The following KIRREL3 variants were observed in gnomAD, a reference collection of about 807,000 sequenced individuals.
KIRREL3 encodes the protein kin of IRRE-like protein 3.
Under a neutral mutation model 89.7 loss-of-function variants are expected in KIRREL3, and 36 were observed. The ratio of observed to expected loss-of-function variants is 0.40; its 90% CI spans 0.31 to 0.53. KIRREL3 has a LOEUF of 0.53. Ranked by LOEUF, KIRREL3 falls within the 20% of genes least tolerant of loss-of-function variation. KIRREL3 has a pLI of 0.49. For missense variants in KIRREL3, 864 were observed against 1,056.6 expected (o/e 0.82, Z 2.53); for synonymous variants, 445 against 441.4 (o/e 1.01, Z -0.10).
intron 1 of KIRREL3, among the ~76,000 whole-genome samples, chr11:126,589,306 T>C (rs1942026729): frequency 6.6e-6 from 1 of 152,220 alleles, no homozygotes; most frequent in African/African-American, 2.4e-5. Flanking sequence ...GAACAGAAGC[T>C]ACAACCTGCG....
chr11:126,764,559 C>T lies in KIRREL3; in HGVS notation c.56-201647G>A, dbSNP rs114663673. Among the ~76,000 whole-genome samples the T allele has an allele frequency of 6.6e-6, 1 of 152,196 alleles. No homozygotes were observed. The highest frequency in any genetic ancestry group is 1.5e-5 in the Non-Finnish European group (1 of 68,034). On this transcript the variant is annotated intron_variant, in intron 1 of 16. Transcript: ENST00000525144. The surrounding 1 kb of genome is among the most constrained non-coding windows in gnomAD (Gnocchi z 4.2). ...CGCCGCTGCCTCATGAGGTTCCTGG[C>T]AGCTCTTACTGCGCCAGTAACAACT...
At chr11:126,701,344 G>A (rs1046695326) in intron 1 of KIRREL3, among the ~76,000 whole-genome samples, 1 of 152,112 alleles carries the variant, frequency 6.6e-6, no homozygotes, top group African/African-American at 2.4e-5. Flanking sequence ...GAGCAGCACC[G>A]AGCCCCCTGG....
At chr11:126,659,287 A>G (rs1945288932) in intron 1 of KIRREL3, among the ~76,000 whole-genome samples, 1 of 152,236 alleles carries the variant, frequency 6.6e-6, no homozygotes, top group Admixed American at 6.5e-5. Flanking sequence ...CCAAAATGAG[A>G]GTGACACCTC....
rs1958308712 is a variant in KIRREL3 at position 126,513,814 on chromosome 11, A to G, written c.433+7501T>C. Among the ~76,000 whole-genome samples, 1 of 152,114 alleles carries G rather than the reference A, an allele frequency of 6.6e-6. No homozygotes were observed. Among genetic ancestry groups the G allele is most frequent in the Non-Finnish European group, 1.5e-5 (1 of 68,008 alleles). ...TGCAAGACCTCCAGGGAGACCTTCT[A>G]TCTCATCTGGCCCCCAACAGCAACT... On this transcript the variant is annotated intron_variant, in intron 4 of 16. Transcript: ENST00000525144. This position sits in a 1 kb window ranked among gnomAD's most constrained non-coding sequence, Gnocchi z 5.9.
chr11:126,618,660 C>T (rs376769054), intron 1 of KIRREL3, among the ~76,000 whole-genome samples: 1 of 152,230 alleles, frequency 6.6e-6, no homozygotes, highest in African/African-American at 2.4e-5. Context: ...GTCTCAAACT[C>T]CTGACCTCAG....
chr11:126,731,796 G>A (rs1394978432), intron 1 of KIRREL3, among the ~76,000 whole-genome samples: 1 of 152,372 alleles, frequency 6.6e-6, no homozygotes, highest in East Asian at 1.9e-4. Context: ...TGCTGCCTCC[G>A]TAAGTGCTTC....
chr11:126,577,362 C>A (rs1342198517), intron 1 of KIRREL3, among the ~76,000 whole-genome samples: 1 of 151,914 alleles, frequency 6.6e-6, no homozygotes, highest in Admixed American at 6.6e-5. Context: ...TACCAGGTCT[C>A]TGGGAAAAAG....
rs1042637588 is a variant in KIRREL3, at chr11:126,614,559, A to G, written c.56-51647T>C. Among the ~76,000 whole-genome samples the G allele has an allele frequency of 1.5e-4, 23 of 152,304 alleles. No homozygotes were observed. Among genetic ancestry groups the G allele is most frequent in the African/African-American group, 5.5e-4 (23 of 41,560 alleles). On this transcript the variant is annotated intron_variant, in intron 1 of 16. Coordinates refer to ENST00000525144, the MANE Select transcript of KIRREL3 (RefSeq NM_032531.4). The surrounding 1 kb of genome is among the most constrained non-coding windows in gnomAD (Gnocchi z 4.6). Reference sequence around the variant, plus strand: ...GGACCTGGGCATTGGTGTCTCTACTAAACACTGCCCAGGTGGTTCTATCAT... The same window carrying G: ...GGACCTGGGCATTGGTGTCTCTACTGAACACTGCCCAGGTGGTTCTATCAT...
intron 1 of KIRREL3, among the ~76,000 whole-genome samples, chr11:126,707,246 CTT>C (rs33983436): frequency 0.08 from 8,984 of 112,616 alleles, 631 homozygotes; most frequent in African/African-American, 0.23. Context: ...TTGTCCATGG[CTT>C]TTTTTTTTTT....
chr11:126,600,354 A>G (rs1053203819), intron 1 of KIRREL3, among the ~76,000 whole-genome samples: 1 of 152,224 alleles, frequency 6.6e-6, no homozygotes, highest in Non-Finnish European at 1.5e-5. Flanking sequence ...GGGCCCATCT[A>G]AGCTGTGCCC....
rs554850712 is a variant in KIRREL3 at position 126,977,493 on chromosome 11, T to C, written c.55+22962A>G. Among the ~76,000 whole-genome samples, 28 of 152,364 alleles carry C rather than the reference T, an allele frequency of 1.8e-4. No homozygotes were observed. The highest frequency in any genetic ancestry group is 6.7e-4 in the African/African-American group (28 of 41,588). Reference sequence around the variant, plus strand: ...GTGTCCTGTTTTTATTATGAATTCCTAAGATTAGCATCCACTTTCTTTCGA... The same window carrying C: ...GTGTCCTGTTTTTATTATGAATTCCCAAGATTAGCATCCACTTTCTTTCGA... On this transcript the variant is annotated intron_variant, in intron 1 of 16. Coordinates refer to ENST00000525144, the MANE Select transcript of KIRREL3 (RefSeq NM_032531.4). The surrounding 1 kb of genome is among the most constrained non-coding windows in gnomAD (Gnocchi z 4.7).
intron 1 of KIRREL3, among the ~76,000 whole-genome samples, chr11:126,847,532 G>A (rs1291433792): frequency 6.6e-6 from 1 of 152,080 alleles, no homozygotes; most frequent in African/African-American, 2.4e-5. Flanking sequence ...TAACTTTGGA[G>A]ATTGTGACAC....
chr11:126,799,359 T>TGC (rs1199963787), intron 1 of KIRREL3, among the ~76,000 whole-genome samples: 2 of 50,282 alleles, frequency 4.0e-5, no homozygotes, highest in Non-Finnish European at 8.7e-5. Context: ...TCTCTGTGTG[T>TGC]ATCTGTGTAT....
chr11:126,471,660 T>A lies in KIRREL3; in HGVS notation c.591+1649A>T, dbSNP rs1956895443. ...GGTCTGATGTGTGGCCCTGGGGAGA[T>A]TTAGGGTAGGGGTATAATGTCCTGG... On this transcript the variant is annotated intron_variant, in intron 5 of 16. Coordinates refer to ENST00000525144, the MANE Select transcript of KIRREL3 (RefSeq NM_032531.4). This position sits in a 1 kb window ranked among gnomAD's most constrained non-coding sequence, Gnocchi z 5.4. Among the ~76,000 whole-genome samples the A allele has an allele frequency of 1.3e-5, 2 of 151,568 alleles. No individual in the cohort carries two copies. Among genetic ancestry groups the A allele is most frequent in the African/African-American group, 4.9e-5 (2 of 41,198 alleles).
intron 1 of KIRREL3, among the ~76,000 whole-genome samples, chr11:126,584,189 G>A (rs980826637): frequency 6.6e-6 from 1 of 152,160 alleles, no homozygotes; most frequent in African/African-American, 2.4e-5. Context: ...CGTGGGCTGC[G>A]TGCTTGAGAA....
In KIRREL3 at chr11:126,780,156, G is replaced by T. The variant is rs1011504376; in HGVS notation, c.56-217244C>A. ...GGAAGCACAGGGGAGAGACAAGCGG[G>T]GAGAAATTCAGGTTCAATGAAAGGA... On this transcript the variant is annotated intron_variant, in intron 1 of 16. Coordinates refer to ENST00000525144, the MANE Select transcript of KIRREL3 (RefSeq NM_032531.4). This position sits in a 1 kb window ranked among gnomAD's most constrained non-coding sequence, Gnocchi z 5.3. Among the ~76,000 whole-genome samples, 23 of 152,156 alleles carry T rather than the reference G, an allele frequency of 1.5e-4. No homozygotes were observed. The highest frequency in any genetic ancestry group is 5.5e-4 in the African/African-American group (23 of 41,446).
Position 126,614,509 on chromosome 11 carries a change from A to G in KIRREL3, c.56-51597T>C, listed in dbSNP as rs191286233. ...ATACTCAGGCCCTTAGATCAATTAA[A>G]TCAGACTTTCTCATGAGGGTGCATG... On this transcript the variant is annotated intron_variant, in intron 1 of 16. Coordinates refer to ENST00000525144, the MANE Select transcript of KIRREL3 (RefSeq NM_032531.4). This position sits in a 1 kb window ranked among gnomAD's most constrained non-coding sequence, Gnocchi z 4.6. Among the ~76,000 whole-genome samples the G allele has an allele frequency of 1.2e-4, 19 of 152,194 alleles. No homozygotes were observed. The highest frequency in any genetic ancestry group is 1.5e-5 in the Non-Finnish European group (1 of 68,028).
intron 1 of KIRREL3, among the ~76,000 whole-genome samples, chr11:126,919,943 A>G (rs1402933418): frequency 6.6e-6 from 1 of 152,190 alleles, no homozygotes; most frequent in South Asian, 2.1e-4. Flanking sequence ...AGCAGTAACA[A>G]TGCTACTGCT....
intron 13 of KIRREL3, among the ~76,000 whole-genome samples, chr11:126,434,865 C>T (rs1227189454): frequency 3.3e-5 from 5 of 152,032 alleles, no homozygotes; most frequent in East Asian, 1.9e-4. Context: ...AAGCAGTGGC[C>T]AAGCTGGTGA....
Sources: allele counts gnomAD v4.1 joint callset (sites outside exome capture counted in the v4.1 genomes callset), GRCh38; gene constraint gnomAD v4.1.1; non-coding constraint Gnocchi (gnomAD v3.1); transcripts MANE v1.5; gene names NCBI Gene and HGNC (gene_info 2026-07-23, HGNC 2026-07-21).